The following DLGAP2 variants were observed in gnomAD, a reference collection of about 807,000 sequenced individuals.
The protein encoded by DLGAP2 is DLG associated protein 2.
In DLGAP2, 26 loss-of-function variants were observed where a neutral mutation model predicts 100.3. The observed-to-expected ratio is 0.26, with a 90% CI of 0.19 to 0.36. The LOEUF is 0.36. DLGAP2 is among the 10% of genes least tolerant of loss of function. DLGAP2 has a pLI of 1.00. For synonymous variants in DLGAP2, 886 were observed against 630.1 expected, an observed-to-expected ratio of 1.41 and a Z score of -6.08; for missense variants, 1,858 against 1,453.2, an observed-to-expected ratio of 1.28 and a Z score of -4.53.
intron 3 of DLGAP2, among the ~76,000 whole-genome samples, chr8:1,445,303 T>A (rs1797955426): frequency 7.1e-6 from 1 of 141,302 alleles, no homozygotes; most frequent in African/African-American, 2.7e-5. Flanking sequence ...GTCTTCTAAT[T>A]TGTTCAATTC....
chr8:1,613,532 T>TA (rs1362666664), intron 6 of DLGAP2, among the ~76,000 whole-genome samples: 1 of 140,478 alleles, frequency 7.1e-6, no homozygotes, highest in Non-Finnish European at 1.5e-5. Context: ...CCCTAAAACT[T>TA]AAAGTATAAT....
chr8:916,928 G>C (rs978055513), intron 2 of DLGAP2, among the ~76,000 whole-genome samples: 2 of 152,198 alleles, frequency 1.3e-5, no homozygotes, highest in African/African-American at 4.8e-5. Context: ...CACACCCAGG[G>C]CTCAGCCTCT....
chr8:1,076,366 C>T (rs1386793601), intron 2 of DLGAP2, among the ~76,000 whole-genome samples: 2 of 152,238 alleles, frequency 1.3e-5, no homozygotes, highest in Non-Finnish European at 2.9e-5. Flanking sequence ...GGCAGTGAGT[C>T]GCAGCTCCCC....
At chr8:1,567,278 A>G (rs1190206544) in intron 6 of DLGAP2, among the ~76,000 whole-genome samples, 2 of 152,198 alleles carry the variant, frequency 1.3e-5, no homozygotes, top group African/African-American at 4.8e-5. Context: ...AGACATTAGG[A>G]GAATTATGAA....
intron 3 of DLGAP2, among the ~76,000 whole-genome samples, chr8:1,459,398 G>T (rs946889119): frequency 6.6e-6 from 1 of 152,230 alleles, no homozygotes; most frequent in Non-Finnish European, 1.5e-5. Context: ...TAAGCGCCAC[G>T]TTCAGAGATT....
chr8:1,519,583 G>T (rs1800516247), intron 4 of DLGAP2, among the ~76,000 whole-genome samples: 1 of 152,232 alleles, frequency 6.6e-6, no homozygotes, highest in Non-Finnish European at 1.5e-5. Context: ...TAACGGTTCT[G>T]ACGACCCTGA....
At chr8:976,375 A>T (rs1176186385) in intron 2 of DLGAP2, among the ~76,000 whole-genome samples, 1 of 152,036 alleles carries the variant, frequency 6.6e-6, no homozygotes, top group Admixed American at 6.6e-5. Flanking sequence ...ACTTTGGGAG[A>T]TCGAGGCGGG....
chr8:1,136,982 G>A (rs1425503220), intron 2 of DLGAP2, among the ~76,000 whole-genome samples: 1 of 152,228 alleles, frequency 6.6e-6, no homozygotes, highest in Non-Finnish European at 1.5e-5. Context: ...TGCCTCTCAA[G>A]ATGGTGCCCA....
intron 2 of DLGAP2, among the ~76,000 whole-genome samples, chr8:938,533 A>G (rs1426657256): frequency 2.0e-5 from 3 of 152,038 alleles, no homozygotes; most frequent in African/African-American, 7.2e-5. Flanking sequence ...GGGGTAGGGA[A>G]GGGATCTGGG....
intron 1 of DLGAP2, among the ~76,000 whole-genome samples, chr8:798,291 C>T (rs4075761): frequency 0.21 from 30,271 of 142,158 alleles, 3,179 homozygotes; most frequent in Non-Finnish European, 0.29. Flanking sequence ...CGTGCCCCGG[C>T]GCTGGCCAGG....
At chr8:923,052 C>T (rs1384803105) in intron 2 of DLGAP2, among the ~76,000 whole-genome samples, 5 of 152,014 alleles carry the variant, frequency 3.3e-5, no homozygotes, top group Non-Finnish European at 7.4e-5. Flanking sequence ...ATTTTGCTAC[C>T]ATGTTAAAAG....
chr8:1,482,442 A>G (rs899891400), intron 3 of DLGAP2, among the ~76,000 whole-genome samples: 1 of 152,262 alleles, frequency 6.6e-6, no homozygotes, highest in African/African-American at 2.4e-5. Context: ...TTCTTTTTAA[A>G]GAATGTATTA....
intron 3 of DLGAP2, among the ~76,000 whole-genome samples, chr8:1,430,925 C>T (rs1239130793): frequency 6.6e-6 from 1 of 152,182 alleles, no homozygotes; most frequent in South Asian, 2.1e-4. Flanking sequence ...TCTGACTCGG[C>T]TGTTGACTGT....
intron 2 of DLGAP2, among the ~76,000 whole-genome samples, chr8:985,898 A>G (rs1800473010): frequency 6.6e-6 from 1 of 152,098 alleles, no homozygotes. Context: ...CAGCTCCTCG[A>G]TGAAACCCTC....
At chr8:1,276,215 C>A (rs1351978057) in intron 3 of DLGAP2, among the ~76,000 whole-genome samples, 1 of 150,784 alleles carries the variant, frequency 6.6e-6, no homozygotes, top group African/African-American at 2.4e-5. Flanking sequence ...AACACTCCCC[C>A]CCCGACCCTA....
At chr8:1,031,257 C>A (rs1801963658) in intron 2 of DLGAP2, among the ~76,000 whole-genome samples, 1 of 152,222 alleles carries the variant, frequency 6.6e-6, no homozygotes, top group Non-Finnish European at 1.5e-5. Context: ...CCTTGAAGTT[C>A]AGGATGGAGG....
intron 1 of DLGAP2, among the ~76,000 whole-genome samples, chr8:858,624 C>T (rs1470677512): frequency 4.9e-5 from 7 of 143,378 alleles, no homozygotes; most frequent in East Asian, 2.1e-4. Context: ...ATGCTGTCAC[C>T]GTGGGCACGT....
chr8:1,695,455 C>T (rs1364245153), intron 13 of DLGAP2, among the ~76,000 whole-genome samples: 6 of 142,260 alleles, frequency 4.2e-5, no homozygotes, highest in African/African-American at 8.7e-5. Context: ...AAAGAGGGGG[C>T]ACAGCCATGC....
At chr8:1,091,955 C>T (rs1031828059) in intron 2 of DLGAP2, among the ~76,000 whole-genome samples, 1 of 152,154 alleles carries the variant, frequency 6.6e-6, no homozygotes, top group East Asian at 1.9e-4. Flanking sequence ...AGTTCCATGT[C>T]GTCTGCCACT....
Sources: allele counts gnomAD v4.1 joint callset (sites outside exome capture counted in the v4.1 genomes callset), GRCh38; gene constraint gnomAD v4.1.1; transcripts MANE v1.5; gene names NCBI Gene and HGNC (gene_info 2026-07-23, HGNC 2026-07-21).